CLDN16: variants seen among roughly 807,000 people sequenced by gnomAD.
The protein encoded by CLDN16 is claudin 16, also known as claudin-16.
A neutral mutation model predicts 24.6 loss-of-function variants in CLDN16; 13 were observed. The observed-to-expected ratio is 0.53, with a 90% CI of 0.34 to 0.84. The LOEUF is 0.84. Ranked by LOEUF, CLDN16 falls within the 40% of genes least tolerant of loss-of-function variation. The probability of loss-of-function intolerance (pLI) is 0.01; values close to 1 mark genes in which losing one functional copy is unlikely to be tolerated. For missense variants in CLDN16, 298 were observed against 292.7 expected, an observed-to-expected ratio of 1.02 and a Z score of -0.13; for synonymous variants, 116 against 106.7, an observed-to-expected ratio of 1.09 and a Z score of -0.54.
chr3:190,360,113 A>G (rs970218273), intron 1 of CLDN16, among the ~76,000 whole-genome samples: 8 of 152,028 alleles, frequency 5.3e-5, no homozygotes, highest in African/African-American at 1.7e-4. Context: ...AGAGCAAAGT[A>G]GGCAAGAAAC....
chr3:190,362,716 TA>T (rs898338751), intron 1 of CLDN16, among the ~76,000 whole-genome samples: 45 of 152,174 alleles, frequency 3.0e-4, no homozygotes, highest in African/African-American at 1.1e-3. Flanking sequence ...CTTTTTGTTT[TA>T]ATTAGCTTTA....
chr3:190,293,136 T>A, the CLDN16 span, among the ~76,000 whole-genome samples: 1 of 152,158 alleles, frequency 6.6e-6, no homozygotes, highest in South Asian at 2.1e-4. Context: ...AGAAAACGTA[T>A]AATCATGGTG....
At position 190,409,997 on chromosome 3, in the gene CLDN16, A is replaced by G; in HGVS notation, c.669A>G (p.Thr223=). 6.2e-7 allele frequency: 1 copy of G among 1,614,108 alleles called. No homozygotes were observed. The highest frequency in any genetic ancestry group is 8.5e-7 in the Non-Finnish European group (1 of 1,179,984). The change falls in exon 5 of 5, where the codon ACA becomes ACG. Residue 223 remains threonine, a synonymous_variant. Coordinates refer to ENST00000264734, the MANE Select transcript of CLDN16 (RefSeq NM_006580.4). ...SMAKSYSAPR[T]ETAKMYAVDT... ...CCAAGTCATACTCAGCCCCTCGCACAGAGACGGCCAAAATGTATGCTGTAG... is the reference window on the plus strand; with the variant it reads ...CCAAGTCATACTCAGCCCCTCGCACGGAGACGGCCAAAATGTATGCTGTAG...
At chr3:190,357,466 T>C (rs1459112532) in intron 1 of CLDN16, among the ~76,000 whole-genome samples, 1 of 151,942 alleles carries the variant, frequency 6.6e-6, no homozygotes. Context: ...TTGTTCATTT[T>C]CCTTTCCTCA....
intron 1 of CLDN16, among the ~76,000 whole-genome samples, chr3:190,367,732 T>A (rs1718052974): frequency 6.6e-6 from 1 of 151,948 alleles, no homozygotes; most frequent in Non-Finnish European, 1.5e-5. Flanking sequence ...TTAGAATTAG[T>A]AGAATATGTT....
At chr3:190,380,414 G>T (rs1718345589) in intron 3 of CLDN16, among the ~76,000 whole-genome samples, 5 of 151,980 alleles carry the variant, frequency 3.3e-5, no homozygotes. Context: ...ATCAATTTGG[G>T]CTTCACAAAG....
chr3:190,321,107 G>A (rs1306417493), upstream of CLDN16, among the ~76,000 whole-genome samples: 1 of 152,112 alleles, frequency 6.6e-6, no homozygotes, highest in Admixed American at 6.5e-5. Context: ...GGAAACCTAA[G>A]GAAGACCCAC....
intron 1 of CLDN16, among the ~76,000 whole-genome samples, chr3:190,369,339 C>A (rs930702680): frequency 1.3e-5 from 2 of 151,884 alleles, no homozygotes; most frequent in Admixed American, 1.3e-4. Context: ...TCTAGCATAT[C>A]TTTTAACTGA....
intron 1 of CLDN16, among the ~76,000 whole-genome samples, chr3:190,335,769 C>G (rs1474609691): frequency 6.8e-6 from 1 of 148,092 alleles, no homozygotes; most frequent in Non-Finnish European, 1.5e-5. Flanking sequence ...AAATGACTTG[C>G]ATAAAATTAT....
intron 1 of CLDN16, among the ~76,000 whole-genome samples, chr3:190,366,691 T>G (rs1375564124): frequency 2.0e-5 from 3 of 151,936 alleles, no homozygotes; most frequent in Non-Finnish European, 2.9e-5. Context: ...TGACCCAAAC[T>G]GGGGGAAAGG....
At chr3:190,338,182 T>C (rs76211146) in intron 1 of CLDN16, among the ~76,000 whole-genome samples, 10,718 of 152,160 alleles carry the variant, frequency 0.07, 562 homozygotes, top group African/African-American at 0.14. Flanking sequence ...GTCTACTCAA[T>C]TTTAGAGCCT....
At chr3:190,310,253 C>G in the CLDN16 span, 1 of 1,612,474 alleles carries the variant, frequency 6.2e-7, no homozygotes, top group South Asian at 1.1e-5. Flanking sequence ...AATAGCCAGA[C>G]CTATAGAAAT....
intron 3 of CLDN16, among the ~76,000 whole-genome samples, chr3:190,376,355 A>G (rs1220713811): frequency 2.6e-5 from 4 of 151,894 alleles, no homozygotes; most frequent in Non-Finnish European, 5.9e-5. Flanking sequence ...AATGAAAGGT[A>G]TGTTGATGAT....
intron 3 of CLDN16, 100 bp from the exon 4 acceptor site, chr3:190,408,214 C>T: frequency 8.5e-7 from 1 of 1,181,810 alleles, no homozygotes; most frequent in Non-Finnish European, 1.3e-6. Context: ...GTTTTTACCT[C>T]TCTGAATCAC....
intron 1 of CLDN16, among the ~76,000 whole-genome samples, chr3:190,348,147 C>T (rs186317677): frequency 6.1e-5 from 9 of 148,622 alleles, no homozygotes; most frequent in Non-Finnish European, 1.2e-4. Flanking sequence ...CCCAGCTACT[C>T]GGGCGGCTGA....
intron 3 of CLDN16, among the ~76,000 whole-genome samples, chr3:190,381,156 G>C (rs931410532): frequency 1.3e-5 from 2 of 152,084 alleles, no homozygotes; most frequent in African/African-American, 4.8e-5. Flanking sequence ...TGCAAACAGC[G>C]AGAAAAAGAG....
At position 190,333,975 on chromosome 3, in the gene CLDN16, C is replaced by T. The variant is rs912409544; in HGVS notation, n.121+11314C>T. On this transcript the variant is annotated intron_variant and non_coding_transcript_variant, in intron 1 of 4. Transcript: ENST00000468220. ...TTATGGAATCAGGGTAGAGTGGCATCTAAAATTTGAGACAAGGAGGAGGGG... is the reference window on the plus strand; with the variant it reads ...TTATGGAATCAGGGTAGAGTGGCATTTAAAATTTGAGACAAGGAGGAGGGG... Among the ~76,000 whole-genome samples the T allele has an allele frequency of 2.6e-5, 4 of 152,016 alleles. No homozygotes were observed. The South Asian group carries it at 6.2e-4, about 24-fold the overall frequency.
At chr3:190,351,111 C>T (rs1463375015) in intron 1 of CLDN16, among the ~76,000 whole-genome samples, 1 of 149,244 alleles carries the variant, frequency 6.7e-6, no homozygotes, top group Non-Finnish European at 1.5e-5. Context: ...ACTGTGCACT[C>T]CCCCCCACCC....
At chr3:190,381,754 G>A (rs1246032484) in intron 3 of CLDN16, among the ~76,000 whole-genome samples, 1 of 152,060 alleles carries the variant, frequency 6.6e-6, no homozygotes, top group Non-Finnish European at 1.5e-5. Context: ...TAACTGGACT[G>A]GGAAGGTTGG....
Sources: allele counts gnomAD v4.1 joint callset (sites outside exome capture counted in the v4.1 genomes callset), GRCh38; gene constraint gnomAD v4.1.1; transcripts MANE v1.5; gene names NCBI Gene and HGNC (gene_info 2026-07-23, HGNC 2026-07-21).